ALDH1A1: variants seen among roughly 807,000 people sequenced by gnomAD.
The protein encoded by ALDH1A1 is aldehyde dehydrogenase 1 family member A1, also known as aldehyde dehydrogenase 1A1.
In ALDH1A1, 19 loss-of-function variants were observed where a neutral mutation model predicts 62.1. The ratio of observed to expected loss-of-function variants is 0.31; its 90% CI spans 0.21 to 0.45. ALDH1A1 has a LOEUF of 0.45. Among genes scored for constraint, ALDH1A1 ranks in the 20% least tolerant of loss-of-function variants. The probability of loss-of-function intolerance (pLI) is 1.00; values close to 1 mark genes in which losing one functional copy is unlikely to be tolerated. For missense variants in ALDH1A1, 521 were observed against 607.1 expected (o/e 0.86, Z 1.49); for synonymous variants, 231 against 215.9 (o/e 1.07, Z -0.61).
intron 11 of ALDH1A1, among the ~76,000 whole-genome samples, chr9:72,908,563 G>GAA (rs1320149160): frequency 5.3e-5 from 1 of 18,938 alleles, no homozygotes. Context: ...AAGAAAGAAA[G>GAA]AAAGAAAGAA....
chr9:72,925,649 G>T (rs1258921185), intron 5 of ALDH1A1, 37 bp from the exon 6 acceptor site: 1 of 1,599,046 alleles, frequency 6.3e-7, no homozygotes, highest in Non-Finnish European at 8.5e-7. Flanking sequence ...TCTTTGTATT[G>T]CAAAAGGCAT....
chr9:72,935,268 A>C (rs1246913213), intron 2 of ALDH1A1, among the ~76,000 whole-genome samples: 1 of 152,188 alleles, frequency 6.6e-6, no homozygotes, highest in Non-Finnish European at 1.5e-5. Context: ...TTTTTAATTA[A>C]ACAGAAAACA....
intron 12 of ALDH1A1, among the ~76,000 whole-genome samples, chr9:72,904,269 T>C (rs979922312): frequency 1.1e-4 from 16 of 152,160 alleles, no homozygotes; most frequent in Admixed American, 5.2e-4. Flanking sequence ...TTTGTTCTAC[T>C]TCAGCAACAT....
At chr9:72,939,550 C>CTTTTT (rs111546946) in intron 2 of ALDH1A1, among the ~76,000 whole-genome samples, 1 of 146,566 alleles carries the variant, frequency 6.8e-6, no homozygotes. Context: ...TTTTCCTTTT[C>CTTTTT]TTTTTTTTTT....
chr9:72,916,834 G>A, intron 9 of ALDH1A1, 86 bp downstream of exon 9: 3 of 1,181,228 alleles, frequency 2.5e-6, no homozygotes, highest in South Asian at 4.3e-5. Context: ...CAGATGGGAA[G>A]TAATCTTACT....
intron 1 of ALDH1A1, among the ~76,000 whole-genome samples, chr9:72,948,564 C>T (rs1830501347): frequency 6.6e-6 from 1 of 151,924 alleles, no homozygotes; most frequent in African/African-American, 2.4e-5. Flanking sequence ...TCTTGGCCAC[C>T]TTATTCTCTA....
Position 72,901,298 on chromosome 9 carries a change from A to T in ALDH1A1, c.1434-18T>A. ...ACTCTCCCCTAGAGAGAAGAAAAAC[A>T]TACCCACAAACACCATTTAGCACAG... On this transcript the variant is annotated intron_variant, in intron 12 of 12. Coordinates refer to ENST00000297785, the MANE Select transcript of ALDH1A1 (RefSeq NM_000689.5). The T allele has an allele frequency of 6.4e-7, 1 of 1,562,546 alleles. No individual in the cohort carries two copies. The highest frequency in any genetic ancestry group is 8.8e-7 in the Non-Finnish European group (1 of 1,138,092).
At chr9:72,929,918 A>G (rs1166092276) in intron 3 of ALDH1A1, among the ~76,000 whole-genome samples, 1 of 152,164 alleles carries the variant, frequency 6.6e-6, no homozygotes, top group Non-Finnish European at 1.5e-5. Flanking sequence ...CTTTCTTCCT[A>G]CAGGTCATTT....
chr9:72,916,897 T>C (rs2118508215), intron 9 of ALDH1A1, 23 bp downstream of exon 9: 2 of 1,550,620 alleles, frequency 1.3e-6, no homozygotes, highest in East Asian at 4.8e-5. Context: ...CTGAAAATGC[T>C]ATCCTTTCTA....
intron 12 of ALDH1A1, among the ~76,000 whole-genome samples, chr9:72,903,923 G>C (rs1829839848): frequency 6.6e-6 from 1 of 151,968 alleles, no homozygotes; most frequent in African/African-American, 2.4e-5. Context: ...CTTACTTTTT[G>C]TACAAAGTAA....
chr9:72,938,233 TC>T (rs1333784491), intron 2 of ALDH1A1, among the ~76,000 whole-genome samples: 1 of 152,118 alleles, frequency 6.6e-6, no homozygotes, highest in African/African-American at 2.4e-5. Flanking sequence ...AGTAGTCTTT[TC>T]CTGCAGCAAT....
At chr9:72,908,589 A>T (rs1213026651) in intron 11 of ALDH1A1, among the ~76,000 whole-genome samples, 2 of 140,640 alleles carry the variant, frequency 1.4e-5, no homozygotes, top group Non-Finnish European at 3.1e-5. Flanking sequence ...GAAAGAAAGA[A>T]AGAAAGAAAG....
chr9:72,914,590 A>G (rs1279143833), intron 9 of ALDH1A1, among the ~76,000 whole-genome samples: 1 of 152,174 alleles, frequency 6.6e-6, no homozygotes, highest in Non-Finnish European at 1.5e-5. Flanking sequence ...TTATGTGGCT[A>G]TCACAATTTC....
At chr9:72,908,563 G>GA (rs1320149160) in intron 11 of ALDH1A1, among the ~76,000 whole-genome samples, 11 of 18,936 alleles carry the variant, frequency 5.8e-4, no homozygotes, top group African/African-American at 1.1e-3. Flanking sequence ...AAGAAAGAAA[G>GA]AAAGAAAGAA....
chr9:72,910,275 T>C (rs551982484), intron 10 of ALDH1A1, among the ~76,000 whole-genome samples: 101 of 152,302 alleles, frequency 6.6e-4, no homozygotes, highest in Middle Eastern at 3.4e-3. Flanking sequence ...TATTCTACTG[T>C]ACTCAGTAGA....
chr9:72,906,448 A>C (rs1000006795), intron 11 of ALDH1A1, among the ~76,000 whole-genome samples: 1 of 152,192 alleles, frequency 6.6e-6, no homozygotes, highest in African/African-American at 2.4e-5. Flanking sequence ...GGCTAGAATC[A>C]ATTTTCTTTT....
At chr9:72,911,894 T>G in intron 10 of ALDH1A1, 64 bp downstream of exon 10, 1 of 1,574,668 alleles carries the variant, frequency 6.4e-7, no homozygotes, top group Non-Finnish European at 8.7e-7. Flanking sequence ...AAGTGACACT[T>G]TGTATACACA....
intron 5 of ALDH1A1, 82 bp from the exon 6 acceptor site, chr9:72,925,694 T>A: frequency 6.9e-7 from 1 of 1,440,168 alleles, no homozygotes; most frequent in Non-Finnish European, 9.4e-7. Context: ...ATACACCCCC[T>A]GTAGATGTTA....
chr9:72,940,410 C>G (rs574936091), intron 1 of ALDH1A1, among the ~76,000 whole-genome samples, 158 bp from the exon 2 acceptor site: 1 of 152,310 alleles, frequency 6.6e-6, no homozygotes, highest in South Asian at 2.1e-4. Flanking sequence ...TTTGTGTTCA[C>G]ATGCATAGAC....
Sources: allele counts gnomAD v4.1 joint callset (sites outside exome capture counted in the v4.1 genomes callset), GRCh38; gene constraint gnomAD v4.1.1; transcripts MANE v1.5; gene names NCBI Gene and HGNC (gene_info 2026-07-23, HGNC 2026-07-21).